ACVR1B: variants seen among roughly 807,000 people sequenced by gnomAD.
The protein encoded by ACVR1B is activin receptor type-1B.
In ACVR1B, 15 loss-of-function variants were observed where a neutral mutation model predicts 55.6. That is an observed-to-expected ratio of 0.27 (90% CI 0.18 to 0.42). The LOEUF is 0.42. Ranked by LOEUF, ACVR1B falls within the 10% of genes least tolerant of loss-of-function variation. ACVR1B has a pLI of 1.00. For missense variants in ACVR1B, 359 were observed against 670.1 expected, an observed-to-expected ratio of 0.54 and a Z score of 5.13; for synonymous variants, 247 against 254.6, an observed-to-expected ratio of 0.97 and a Z score of 0.28.
At chr12:51,982,874 A>T in intron 4 of ACVR1B, 1 of 1,394,904 alleles carries the variant, frequency 7.2e-7, no homozygotes, top group Non-Finnish European at 9.3e-7. Flanking sequence ...TTTTAAAAGG[A>T]TCAAATCATG....
chr12:51,988,967 AT>A (rs1942134908), intron 7 of ACVR1B, among the ~76,000 whole-genome samples: 1 of 152,260 alleles, frequency 6.6e-6, no homozygotes, highest in East Asian at 1.9e-4. Flanking sequence ...AAATAAAAAA[AT>A]TAGCCAGACA....
At chr12:51,967,910 C>T (rs543148139) in intron 1 of ACVR1B, among the ~76,000 whole-genome samples, 1 of 152,276 alleles carries the variant, frequency 6.6e-6, no homozygotes, top group African/African-American at 2.4e-5. Context: ...AAGGTGCTCT[C>T]AGTGATAGAG....
intron 7 of ACVR1B, among the ~76,000 whole-genome samples, chr12:51,988,460 C>T (rs1472928351): frequency 1.3e-5 from 2 of 152,172 alleles, no homozygotes; most frequent in Admixed American, 6.5e-5. Context: ...GAGCGAGACT[C>T]CATCTCAAAG....
At chr12:51,959,325 T>G (rs1941471831) in intron 1 of ACVR1B, among the ~76,000 whole-genome samples, 1 of 152,204 alleles carries the variant, frequency 6.6e-6, no homozygotes, top group East Asian at 1.9e-4. Context: ...CCAGCTGGCT[T>G]GGAAGCAAGC....
Position 51,994,178 on chromosome 12 carries a change from G to T in ACVR1B, c.*68G>T. The T allele has an allele frequency of 1.3e-6, 2 of 1,580,678 alleles. No individual in the cohort carries two copies. Among genetic ancestry groups the T allele is most frequent in the Non-Finnish European group, 1.7e-6 (2 of 1,166,864 alleles). ...CGCACAGCTGCCGCGTTGAGCGTAC[G>T]ATGGAGGCCTACCTCTCGTTTCTGC... On this transcript the variant is annotated 3_prime_UTR_variant, in exon 9 of 9. Coordinates refer to ENST00000257963, the MANE Select transcript of ACVR1B (RefSeq NM_004302.5). This position sits in a 1 kb window ranked among gnomAD's most constrained non-coding sequence, Gnocchi z 4.2.
At chr12:51,955,991 C>T (rs1016903162) in intron 1 of ACVR1B, among the ~76,000 whole-genome samples, 3 of 152,256 alleles carry the variant, frequency 2.0e-5, no homozygotes, top group Non-Finnish European at 2.9e-5. Flanking sequence ...GCTTCAGAGG[C>T]ACCATTTCTG....
intron 1 of ACVR1B, among the ~76,000 whole-genome samples, chr12:51,970,064 G>T (rs1941718089): frequency 6.6e-6 from 1 of 152,222 alleles, no homozygotes; most frequent in Non-Finnish European, 1.5e-5. Flanking sequence ...GAGATGAACT[G>T]CAGGAAGACA....
At chr12:51,978,429 T>A (rs1418838638) in intron 3 of ACVR1B, among the ~76,000 whole-genome samples, 1 of 152,224 alleles carries the variant, frequency 6.6e-6, no homozygotes, top group Non-Finnish European at 1.5e-5. Flanking sequence ...TTTCTAATAA[T>A]GTGGTTTTTA....
chr12:51,963,443 A>G (rs1391865707), intron 1 of ACVR1B, among the ~76,000 whole-genome samples: 1 of 152,140 alleles, frequency 6.6e-6, no homozygotes, highest in Non-Finnish European at 1.5e-5. Context: ...ACGGGGTTTC[A>G]CCGTGTTGGC....
At chr12:51,960,417 G>A (rs1941496141) in intron 1 of ACVR1B, among the ~76,000 whole-genome samples, 1 of 151,794 alleles carries the variant, frequency 6.6e-6, no homozygotes, top group East Asian at 1.9e-4. Context: ...GTGAGATCCT[G>A]TCTCAAAAAA....
intron 1 of ACVR1B, among the ~76,000 whole-genome samples, chr12:51,967,113 G>T (rs1255596270): frequency 6.6e-6 from 1 of 151,826 alleles, no homozygotes; most frequent in East Asian, 1.9e-4. Flanking sequence ...GGTGGCAGGC[G>T]CCTGTAGTCC....
rs1021562610 is a variant in ACVR1B, at chr12:51,995,583, G to A, written c.*1473G>A. On this transcript the variant is annotated 3_prime_UTR_variant, in exon 9 of 9. Coordinates refer to ENST00000257963, the MANE Select transcript of ACVR1B (RefSeq NM_004302.5). Reference sequence around the variant, plus strand: ...ATTTCTTTTTTTAATTTTATTGGGAGGGTTTGGATTTTAACTTTTTTTAAT... The same window carrying A: ...ATTTCTTTTTTTAATTTTATTGGGAAGGTTTGGATTTTAACTTTTTTTAAT... 1 of 152,224 alleles carries A rather than the reference G, an allele frequency of 6.6e-6. No homozygotes were observed. The highest frequency in any genetic ancestry group is 1.5e-5 in the Non-Finnish European group (1 of 67,970). 9.4% of individuals were successfully genotyped at this position (152,224 alleles called of 1,614,324 possible). A position where few individuals can be genotyped will look rare whatever the true frequency, so the allele number is the denominator to read the frequency against.
At position 51,996,044 on chromosome 12, in the gene ACVR1B, A is replaced by G. The variant is rs1388222142; in HGVS notation, c.*1934A>G. The G allele has an allele frequency of 6.6e-6, 1 of 152,290 alleles. No individual in the cohort carries two copies. The highest frequency in any genetic ancestry group is 2.4e-5 in the African/African-American group (1 of 41,460). The allele number at this position is 152,290 out of a possible 1,614,324, so 9.4% of individuals were successfully genotyped here. A position where few individuals can be genotyped will look rare whatever the true frequency, so the allele number is the denominator to read the frequency against. ...GTAAGTAGATGCCTGTTTTGAGACC[A>G]GAAGGTTTCATAATTGGTTCTACGA... On this transcript the variant is annotated 3_prime_UTR_variant, in exon 9 of 9. Transcript: ENST00000257963.
chr12:51,986,725 T>C (rs1258365374), intron 6 of ACVR1B, 93 bp from the exon 7 acceptor site: 2 of 1,507,558 alleles, frequency 1.3e-6, no homozygotes, highest in Non-Finnish European at 1.8e-6. Flanking sequence ...GGTGATACTC[T>C]TCCACATTCA....
Position 51,984,263 on chromosome 12 carries a change from T to C in ACVR1B, c.979+97T>C, listed in dbSNP as rs571134407. 7.8e-6 allele frequency: 11 copies of C among 1,416,854 alleles called. No homozygotes were observed. In the African/African-American group the frequency reaches 1.1e-4, roughly 15 times the overall value. 87.8% of individuals were successfully genotyped at this position (1,416,854 alleles called of 1,614,324 possible). On this transcript the variant is annotated intron_variant, in intron 5 of 8. Transcript: ENST00000257963. ...TAGAATTCCTTTTTACTGAGGAAGT[T>C]GGGGCTGGACCTCAGGAACTCTAGT...
chr12:51,956,761 CT>C (rs1021426199), intron 1 of ACVR1B, among the ~76,000 whole-genome samples: 11 of 151,376 alleles, frequency 7.3e-5, no homozygotes, highest in Non-Finnish European at 1.6e-4. Context: ...TTATGTGTTT[CT>C]TTTTTTTTCT....
At chr12:51,958,954 C>T (rs1314536470) in intron 1 of ACVR1B, among the ~76,000 whole-genome samples, 1 of 152,180 alleles carries the variant, frequency 6.6e-6, no homozygotes, top group East Asian at 1.9e-4. Context: ...ATATACTAGG[C>T]ATTGTTGCAG....
chr12:51,962,065 TA>T (rs1178168239), intron 1 of ACVR1B, among the ~76,000 whole-genome samples: 3 of 152,230 alleles, frequency 2.0e-5, no homozygotes, highest in African/African-American at 7.2e-5. Flanking sequence ...TTTCATTCTC[TA>T]ACTGAGACTT....
intron 4 of ACVR1B, among the ~76,000 whole-genome samples, chr12:51,982,278 A>G (rs1427678133): frequency 6.6e-6 from 1 of 152,202 alleles, no homozygotes; most frequent in African/African-American, 2.4e-5. Context: ...AGTAACTTGG[A>G]TGGCTGTGGG....
Sources: gnomAD v4.1 joint callset for allele counts (sites outside exome capture counted in the v4.1 genomes callset) on GRCh38, gnomAD v4.1.1 for gene constraint, Gnocchi (gnomAD v3.1) non-coding constraint, MANE v1.5 for transcripts, NCBI Gene and HGNC (gene_info 2026-07-23, HGNC 2026-07-21) for gene names.